LINGO2: variants seen among roughly 807,000 people sequenced by gnomAD.
LINGO2 encodes the protein leucine-rich repeat and immunoglobulin-like domain-containing nogo receptor-interacting protein 2.
LINGO2 carries 14 observed loss-of-function variants against 30.6 expected under a neutral mutation model. That is an observed-to-expected ratio of 0.46 (90% CI 0.30 to 0.72). The LOEUF is 0.72. LINGO2 is among the 30% of genes least tolerant of loss of function. The pLI, the probability that LINGO2 is intolerant of heterozygous loss-of-function variation, is 0.07. For missense variants in LINGO2, 729 were observed against 751.7 expected (o/e 0.97, Z 0.35); for synonymous variants, 317 against 288.5 (o/e 1.10, Z -1.00).
chr9:28,348,289 G>A (rs1447112334), intron 3 of LINGO2, among the ~76,000 whole-genome samples: 3 of 152,190 alleles, frequency 2.0e-5, no homozygotes, highest in African/African-American at 7.2e-5. Flanking sequence ...CAGTGGGTGT[G>A]TGCACCGTGC....
At chr9:28,366,419 T>A (rs1444156654) in intron 3 of LINGO2, among the ~76,000 whole-genome samples, 2 of 152,192 alleles carry the variant, frequency 1.3e-5, no homozygotes, top group Non-Finnish European at 2.9e-5. Flanking sequence ...TTGAGCTGGA[T>A]ATGTTTTCTT....
At chr9:28,210,438 A>G in intron 4 of LINGO2, among the ~76,000 whole-genome samples, 2 of 151,880 alleles carry the variant, frequency 1.3e-5, no homozygotes, top group Middle Eastern at 3.4e-3. Flanking sequence ...AATAAAAAAA[A>G]TAAAGAATGA....
At chr9:28,728,158 T>A in the LINGO2 span, among the ~76,000 whole-genome samples, 1 of 152,096 alleles carries the variant, frequency 6.6e-6, no homozygotes, top group African/African-American at 2.4e-5. Flanking sequence ...CTACCTTACC[T>A]CTACTCTCAC....
At chr9:28,257,460 G>A (rs924707815) in intron 4 of LINGO2, among the ~76,000 whole-genome samples, 2 of 151,786 alleles carry the variant, frequency 1.3e-5, no homozygotes, top group African/African-American at 4.8e-5. Flanking sequence ...AGTAAAAATA[G>A]CCTCCCAGAG....
intron 2 of LINGO2, among the ~76,000 whole-genome samples, chr9:28,437,364 G>A (rs143107215): frequency 1.7e-3 from 262 of 152,218 alleles, no homozygotes; most frequent in African/African-American, 3.3e-3. Flanking sequence ...GCATCTGACT[G>A]AGAATTATGT....
the LINGO2 span, among the ~76,000 whole-genome samples, chr9:28,752,562 G>C: frequency 6.6e-6 from 1 of 151,992 alleles, no homozygotes; most frequent in Non-Finnish European, 1.5e-5. Flanking sequence ...AAAACTCTGT[G>C]AAATACTCTG....
chr9:29,186,608 T>C, the LINGO2 span, among the ~76,000 whole-genome samples: 2 of 152,146 alleles, frequency 1.3e-5, no homozygotes, highest in Non-Finnish European at 2.9e-5. Context: ...TGGAAAGACC[T>C]GCATTTGCAC....
intron 5 of LINGO2, among the ~76,000 whole-genome samples, chr9:27,992,538 T>C (rs1041839570): frequency 1.3e-5 from 2 of 152,004 alleles, no homozygotes; most frequent in African/African-American, 4.8e-5. Context: ...ATGCAGTAAA[T>C]GTTATAATGA....
At chr9:28,915,709 T>C in the LINGO2 span, among the ~76,000 whole-genome samples, 134,878 of 151,916 alleles carry the variant, frequency 0.89, 60,257 homozygotes, top group Non-Finnish European at 0.94. Flanking sequence ...ATAGTTCAAA[T>C]GTTCACTAAA....
intron 3 of LINGO2, among the ~76,000 whole-genome samples, chr9:28,312,469 T>C (rs1163061299): frequency 3.3e-5 from 5 of 152,058 alleles, no homozygotes; most frequent in African/African-American, 4.8e-5. Flanking sequence ...AATAAAGTGA[T>C]TATGATTACA....
chr9:29,077,234 C>T, the LINGO2 span, among the ~76,000 whole-genome samples: 1 of 151,588 alleles, frequency 6.6e-6, no homozygotes, highest in Non-Finnish European at 1.5e-5. Context: ...AATAAATTGA[C>T]TTCATGATTA....
chr9:28,059,440 C>G (rs1303092374), intron 4 of LINGO2, among the ~76,000 whole-genome samples: 1 of 152,042 alleles, frequency 6.6e-6, no homozygotes, highest in African/African-American at 2.4e-5. Context: ...TCCACCCGCA[C>G]GACTTGGTGT....
the LINGO2 span, among the ~76,000 whole-genome samples, chr9:28,983,157 A>G: frequency 1.3e-5 from 2 of 151,980 alleles, no homozygotes; most frequent in African/African-American, 4.8e-5. Context: ...CTGTTTTCAG[A>G]CTACTAGCAA....
At chr9:28,528,924 C>T (rs1404789036) in intron 1 of LINGO2, among the ~76,000 whole-genome samples, 2 of 152,002 alleles carry the variant, frequency 1.3e-5, no homozygotes, top group Non-Finnish European at 2.9e-5. Context: ...CTTTAAAATT[C>T]AATATCATTA....
the LINGO2 span, among the ~76,000 whole-genome samples, chr9:28,848,393 GTGTGTATATATATATATA>G: frequency 2.1e-4 from 14 of 67,210 alleles, no homozygotes; most frequent in African/African-American, 8.2e-4. Flanking sequence ...GTGTGTGTGT[GTGTGTATATATATATATA>G]TATATATATA....
At chr9:29,091,457 C>A in the LINGO2 span, among the ~76,000 whole-genome samples, 1 of 151,998 alleles carries the variant, frequency 6.6e-6, no homozygotes, top group South Asian at 2.1e-4. Context: ...AAAACAGAAT[C>A]TATTTTATTT....
chr9:28,380,485 G>A (rs1821310614), intron 2 of LINGO2, among the ~76,000 whole-genome samples: 1 of 151,504 alleles, frequency 6.6e-6, no homozygotes, highest in Non-Finnish European at 1.5e-5. Flanking sequence ...AGATGGAGAA[G>A]TAGGAGGTGG....
At chr9:28,321,726 T>C (rs1229127827) in intron 3 of LINGO2, among the ~76,000 whole-genome samples, 1 of 152,192 alleles carries the variant, frequency 6.6e-6, no homozygotes, top group African/African-American at 2.4e-5. Flanking sequence ...ATTGTTGATC[T>C]GCCTTATATT....
At chr9:28,392,028 C>G (rs1458168675) in intron 2 of LINGO2, among the ~76,000 whole-genome samples, 1 of 152,078 alleles carries the variant, frequency 6.6e-6, no homozygotes, top group Admixed American at 6.6e-5. Flanking sequence ...CATGGTGAAA[C>G]CCCGTCTCTA....
Sources: gnomAD v4.1 joint callset for allele counts (sites outside exome capture counted in the v4.1 genomes callset) on GRCh38, gnomAD v4.1.1 for gene constraint, MANE v1.5 for transcripts, NCBI Gene and HGNC (gene_info 2026-07-23, HGNC 2026-07-21) for gene names.